The following TGFBR2 variants were observed in gnomAD, a reference collection of about 807,000 sequenced individuals.
The protein encoded by TGFBR2 is transforming growth factor beta receptor 2, also known as TGF-beta receptor type-2.
In TGFBR2, 18 loss-of-function variants were observed where a neutral mutation model predicts 49.0. The ratio of observed to expected loss-of-function variants is 0.37; its 90% CI spans 0.25 to 0.54. The LOEUF is 0.54. Ranked by LOEUF, TGFBR2 falls within the 20% of genes least tolerant of loss-of-function variation. TGFBR2 has a pLI of 0.85. For missense variants in TGFBR2, 525 were observed against 722.6 expected (o/e 0.73, Z 3.13); for synonymous variants, 282 against 275.9 (o/e 1.02, Z -0.22).
chr3:30,674,667 T>C (rs1308957213), intron 5 of TGFBR2, among the ~76,000 whole-genome samples: 2 of 152,174 alleles, frequency 1.3e-5, no homozygotes, highest in Non-Finnish European at 2.9e-5. Flanking sequence ...TGATTCAAAA[T>C]TTACTTTTAT....
chr3:30,680,466 G>T (rs1202782613), intron 5 of TGFBR2, among the ~76,000 whole-genome samples: 1 of 152,122 alleles, frequency 6.6e-6, no homozygotes, highest in Non-Finnish European at 1.5e-5. Context: ...TGTTTAAAAT[G>T]CCAGGGATAC....
rs1699729730 is a variant in TGFBR2 at position 30,692,442 on chromosome 3, AT to A, written c.*844del. The A allele has an allele frequency of 4.3e-6, 1 of 232,204 alleles. No homozygotes were observed. Among genetic ancestry groups the A allele is most frequent in the Non-Finnish European group, 8.5e-6 (1 of 117,310 alleles). The allele number at this position is 232,204 out of a possible 1,614,324, so 14.4% of individuals were successfully genotyped here. A position where few individuals can be genotyped will look rare whatever the true frequency, so the allele number is the denominator to read the frequency against. On this transcript the variant is annotated 3_prime_UTR_variant, in exon 7 of 7. Transcript: ENST00000295754. ...ATGGGTTGCAGAAAAATCAGAACAG[AT>A]GTCCCCATCCATGCGATTGCCCCAC...
chr3:30,626,364 T>C (rs1698330801), intron 1 of TGFBR2: 1 of 152,208 alleles, frequency 6.6e-6, no homozygotes, highest in Non-Finnish European at 1.5e-5. Flanking sequence ...ACAGTAAAGA[T>C]GGTTAAAAAC....
chr3:30,670,061 G>A (rs1699312339), intron 3 of TGFBR2, among the ~76,000 whole-genome samples: 1 of 152,002 alleles, frequency 6.6e-6, no homozygotes, highest in African/African-American at 2.4e-5. Context: ...CACGGAGTTT[G>A]GTTCCATACC....
chr3:30,645,201 T>C (rs911227447), intron 2 of TGFBR2, among the ~76,000 whole-genome samples: 1 of 152,192 alleles, frequency 6.6e-6, no homozygotes, highest in Non-Finnish European at 1.5e-5. Flanking sequence ...CTGGAAACTC[T>C]TTCTTGTATC....
In TGFBR2 at chr3:30,606,858, G is replaced by A. The variant is rs752752584; in HGVS notation, c.-26G>A. 10 of 1,461,912 alleles carry A rather than the reference G, an allele frequency of 6.8e-6. No individual in the cohort carries two copies. The South Asian group carries it at 1.0e-4, about 15-fold the overall frequency. The allele number at this position is 1,461,912 out of a possible 1,614,324, so 90.6% of individuals were successfully genotyped here. ...CGCCGTCCGCTGCGCTGGGGGCTCG[G>A]TCTATGACGAGCAGCGGGGTCTGCC... On this transcript the variant is annotated 5_prime_UTR_variant, in exon 1 of 7. Transcript: ENST00000295754.
At chr3:30,659,670 C>T (rs566303485) in intron 3 of TGFBR2, among the ~76,000 whole-genome samples, 9 of 150,974 alleles carry the variant, frequency 6.0e-5, no homozygotes, top group African/African-American at 2.2e-4. Context: ...TGGACACAGG[C>T]TGTCTCAAAT....
chr3:30,623,187 C>T (rs2125453929), intron 1 of TGFBR2: 1 of 1,377,796 alleles, frequency 7.3e-7, no homozygotes, highest in Non-Finnish European at 1.0e-6. Context: ...ATATAATTAT[C>T]CTGTTTTACA....
At chr3:30,677,557 A>C (rs138055342) in intron 5 of TGFBR2, among the ~76,000 whole-genome samples, 1 of 152,276 alleles carries the variant, frequency 6.6e-6, no homozygotes, top group East Asian at 1.9e-4. Flanking sequence ...TCCCACCTTG[A>C]CTTCTTCTTT....
intron 5 of TGFBR2, among the ~76,000 whole-genome samples, chr3:30,685,079 C>T (rs1274676275): frequency 6.6e-6 from 1 of 152,194 alleles, no homozygotes; most frequent in East Asian, 1.9e-4. Flanking sequence ...CTGATCCCAA[C>T]ATTTTCCTCC....
At chr3:30,635,243 G>A (rs762868412) in intron 1 of TGFBR2, among the ~76,000 whole-genome samples, 10 of 152,172 alleles carry the variant, frequency 6.6e-5, no homozygotes, top group Non-Finnish European at 1.5e-4. Context: ...TGGCAACAAT[G>A]TGTAGATATT....
At chr3:30,683,338 G>A (rs1699567628) in intron 5 of TGFBR2, among the ~76,000 whole-genome samples, 1 of 152,172 alleles carries the variant, frequency 6.6e-6, no homozygotes. Flanking sequence ...AAACCAAGAT[G>A]TGTTTTGTGC....
intron 1 of TGFBR2, among the ~76,000 whole-genome samples, chr3:30,637,013 G>A (rs1442263664): frequency 4.0e-5 from 6 of 150,154 alleles, no homozygotes; most frequent in Admixed American, 6.7e-5. Flanking sequence ...ATAGTGAGCC[G>A]AGATCGCGCC....
chr3:30,607,111 C>T (rs1697937595), intron 1 of TGFBR2, 134 bp downstream of exon 1: 3 of 692,838 alleles, frequency 4.3e-6, no homozygotes, highest in African/African-American at 3.7e-5. Context: ...CCCCGCGACA[C>T]TCACGCAGCC....
At chr3:30,608,975 CTG>C in intron 1 of TGFBR2, among the ~76,000 whole-genome samples, 3 of 152,306 alleles carry the variant, frequency 2.0e-5, no homozygotes, top group Admixed American at 2.0e-4. Flanking sequence ...TAGTTAGGTT[CTG>C]TTTACAAGGA....
At chr3:30,616,101 T>C (rs368391886) in intron 1 of TGFBR2, among the ~76,000 whole-genome samples, 1 of 152,164 alleles carries the variant, frequency 6.6e-6, no homozygotes, top group East Asian at 1.9e-4. Flanking sequence ...ATATTCACTT[T>C]ATTCTTAATT....
At chr3:30,668,019 A>T (rs3773640) in intron 3 of TGFBR2, among the ~76,000 whole-genome samples, 39,750 of 152,008 alleles carry the variant, frequency 0.26, 5,848 homozygotes, top group East Asian at 0.69. Context: ...TGAACCTCTT[A>T]GTTTTATTGT....
At chr3:30,619,196 C>T (rs564240294) in intron 1 of TGFBR2, among the ~76,000 whole-genome samples, 1 of 152,170 alleles carries the variant, frequency 6.6e-6, no homozygotes, top group Non-Finnish European at 1.5e-5. Context: ...TACGCAAAAT[C>T]TATAACCATT....
chr3:30,674,182 G>T lies in TGFBR2; in HGVS notation c.1332G>T (p.Gln444His), dbSNP rs775637046. The T allele has an allele frequency of 1.2e-6, 2 of 1,614,076 alleles. No homozygotes were observed. Among genetic ancestry groups the T allele is most frequent in the Non-Finnish European group, 1.7e-6 (2 of 1,180,042 alleles). Residue 444 changes from glutamine (Q) to histidine (H), a missense_variant, in exon 5 of 7, where the codon CAG becomes CAT. Transcript: ENST00000295754. Reference protein sequence around the residue: ...MNLENVESFKQTDVYSMALVL... With the variant: ...MNLENVESFKHTDVYSMALVL... Reference sequence around the variant, plus strand: ...TGGAGAATGTTGAGTCCTTCAAGCAGACCGATGTCTACTCCATGGCTCTGG... The same window carrying T: ...TGGAGAATGTTGAGTCCTTCAAGCATACCGATGTCTACTCCATGGCTCTGG...
Sources: gnomAD v4.1 joint callset for allele counts (sites outside exome capture counted in the v4.1 genomes callset) on GRCh38, gnomAD v4.1.1 for gene constraint, MANE v1.5 for transcripts, NCBI Gene and HGNC (gene_info 2026-07-23, HGNC 2026-07-21) for gene names.